CLDN11: variants seen among roughly 807,000 people sequenced by gnomAD.
CLDN11 encodes claudin-11.
Under a neutral mutation model 18.0 loss-of-function variants are expected in CLDN11, and 1 was observed. The observed-to-expected ratio is 0.06, with a 90% confidence interval of 0.02 to 0.26. The LOEUF (loss-of-function observed/expected upper bound fraction) is 0.26, where lower values mean the gene tolerates loss of function less well. Ranked by LOEUF, CLDN11 falls within the 10% of genes least tolerant of loss-of-function variation. CLDN11 has a pLI of 1.00. For missense variants in CLDN11, 172 were observed against 276.6 expected (o/e 0.62, Z 2.68); for synonymous variants, 116 against 121.5 (o/e 0.96, Z 0.30).
At chr3:170,432,316 T>A (rs1333474630) in intron 2 of CLDN11, among the ~76,000 whole-genome samples, 1 of 152,222 alleles carries the variant, frequency 6.6e-6, no homozygotes, top group African/African-American at 2.4e-5. Flanking sequence ...TGTTACCTGC[T>A]GAAAAAAATA....
Position 170,433,130 on chromosome 3 carries a change from C to CTTTTTTTTTT in CLDN11, c.*395_*404dup, listed in dbSNP as rs11322219. 1 of 64,058 alleles carries CTTTTTTTTTT rather than the reference C, an allele frequency of 1.6e-5. No homozygotes were observed. Among genetic ancestry groups the CTTTTTTTTTT allele is most frequent in the Non-Finnish European group, 2.8e-5 (1 of 35,608 alleles). 4.0% of individuals were successfully genotyped at this position (64,058 alleles called of 1,614,324 possible). A position where few individuals can be genotyped will look rare whatever the true frequency, so the allele number is the denominator to read the frequency against. On this transcript the variant is annotated 3_prime_UTR_variant, in exon 3 of 3. Coordinates refer to ENST00000064724, the MANE Select transcript of CLDN11 (RefSeq NM_005602.6). ...GGGTGGGGAAGAGAAATACAAGATA[C>CTTTTTTTTTT]TTTTTTTTTTTTTTTTTTTTTTTTT... is the stretch of plus-strand genomic sequence containing the variant.
chr3:170,429,813 A>G (rs1488928172), intron 2 of CLDN11, among the ~76,000 whole-genome samples: 1 of 152,216 alleles, frequency 6.6e-6, no homozygotes, highest in Non-Finnish European at 1.5e-5. Context: ...TTAGGTTAAC[A>G]ATAGATGTGG....
intron 2 of CLDN11, among the ~76,000 whole-genome samples, chr3:170,428,901 G>C (rs1476439642): frequency 6.6e-6 from 1 of 152,092 alleles, no homozygotes; most frequent in Non-Finnish European, 1.5e-5. Context: ...TGACTTTCTA[G>C]AAAAACACTT....
rs1385878046 is a variant in CLDN11, at chr3:170,432,825, A to C, written c.*69A>C. The C allele has an allele frequency of 1.9e-5, 28 of 1,448,588 alleles. No homozygotes were observed. The highest frequency in any genetic ancestry group is 8.7e-6 in the Non-Finnish European group (9 of 1,032,734). The allele number at this position is 1,448,588 out of a possible 1,614,324, so 89.7% of individuals were successfully genotyped here. A position where few individuals can be genotyped will look rare whatever the true frequency, so the allele number is the denominator to read the frequency against. ...CCAGGGCCCTAGGTTTGCTCGTCAC[A>C]GTGTGGGGAAGCCCATTCCTCTGCC... is the stretch of plus-strand genomic sequence containing the variant. On this transcript the variant is annotated 3_prime_UTR_variant, in exon 3 of 3. Transcript: ENST00000064724.
intron 2 of CLDN11, among the ~76,000 whole-genome samples, chr3:170,424,479 A>G (rs1007931933): frequency 1.1e-4 from 17 of 152,226 alleles, no homozygotes; most frequent in Non-Finnish European, 2.2e-4. Context: ...AAAGGGCTTC[A>G]TTTAACAACC....
intron 2 of CLDN11, among the ~76,000 whole-genome samples, chr3:170,430,022 C>G (rs1297937466): frequency 6.6e-6 from 1 of 152,202 alleles, no homozygotes; most frequent in Non-Finnish European, 1.5e-5. Flanking sequence ...TTTTCACTCC[C>G]CTTCTTTTTC....
At chr3:170,428,188 G>A (rs1479579200) in intron 2 of CLDN11, among the ~76,000 whole-genome samples, 4 of 151,194 alleles carry the variant, frequency 2.6e-5, no homozygotes, top group African/African-American at 9.7e-5. Context: ...AAATGTCAGT[G>A]TCTACTGATC....
In CLDN11 at chr3:170,434,321, G is replaced by A. The variant is rs1263816396; in HGVS notation, c.*1565G>A. ...CAGTGCTCTCTAGGTTTCTTAAGTG[G>A]GGTGACTTTATGGCATCTTTAATCA... On this transcript the variant is annotated 3_prime_UTR_variant, in exon 3 of 3. Coordinates refer to ENST00000064724, the MANE Select transcript of CLDN11 (RefSeq NM_005602.6). Among the ~76,000 whole-genome samples, 1 of 152,120 alleles carries A rather than the reference G, an allele frequency of 6.6e-6. No homozygotes were observed. The highest frequency in any genetic ancestry group is 6.5e-5 in the Admixed American group (1 of 15,274).
intron 2 of CLDN11, among the ~76,000 whole-genome samples, chr3:170,431,353 T>G (rs1016165345): frequency 1.3e-5 from 2 of 152,132 alleles, no homozygotes; most frequent in African/African-American, 4.8e-5. Context: ...TCATTGTTAT[T>G]ATTATTGTTA....
Position 170,419,084 on chromosome 3 carries a change from G to T in CLDN11, c.18G>T (p.Leu6=). 1 of 1,550,728 alleles carries T rather than the reference G, an allele frequency of 6.4e-7. No homozygotes were observed. Among genetic ancestry groups the T allele is most frequent in the Non-Finnish European group, 8.7e-7 (1 of 1,146,930 alleles). Reference sequence around the variant, plus strand: ...CGGCCACCATGGTGGCCACGTGCCTGCAGGTGGTGGGCTTCGTCACGAGCT... The same window carrying T: ...CGGCCACCATGGTGGCCACGTGCCTTCAGGTGGTGGGCTTCGTCACGAGCT... The part of the protein sequence containing the change: MVATC[L]QVVGFVTSFV... Residue 6 remains leucine (L), a synonymous_variant, in exon 1 of 3, where the codon CTG becomes CTT. Transcript: ENST00000064724. This position sits in a 1 kb window ranked among gnomAD's most constrained non-coding sequence, Gnocchi z 8.6.
Position 170,424,328 on chromosome 3 carries a change from TGAGTTTCCAGAGTGGAA to T in CLDN11, c.391+1004_391+1020del, listed in dbSNP as rs1446005599. Among the ~76,000 whole-genome samples the T allele has an allele frequency of 2.0e-5, 3 of 152,186 alleles. No homozygotes were observed. The East Asian group carries it at 5.8e-4, about 29-fold the overall frequency. ...AGGAAGGCACCTAACCCAGACTGGA[TGAGTTTCCAGAGTGGAA>T]GAACCCAGCAGTAAGCTCTGAGACT... On this transcript the variant is annotated intron_variant, in intron 2 of 2. Coordinates refer to ENST00000064724, the MANE Select transcript of CLDN11 (RefSeq NM_005602.6).
In CLDN11 at chr3:170,423,203, G is replaced by A; in HGVS notation, c.267G>A (p.Ser89=). ...QACRALMIAA[S]VLGLPAILLL... Reference sequence around the variant, plus strand: ...GCCGCGCCCTGATGATTGCTGCCTCGGTCCTGGGTCTGCCGGCCATTTTAC... The same window carrying A: ...GCCGCGCCCTGATGATTGCTGCCTCAGTCCTGGGTCTGCCGGCCATTTTAC... The change falls in exon 2 of 3, where the codon TCG becomes TCA. Residue 89 remains serine (S), a synonymous_variant. Transcript: ENST00000064724. 1.4e-5 allele frequency: 23 copies of A among 1,614,148 alleles called. No homozygotes were observed. The highest frequency in any genetic ancestry group is 1.9e-5 in the Non-Finnish European group (23 of 1,180,034).
chr3:170,421,345 C>T (rs1043531821), intron 1 of CLDN11: 128 of 977,380 alleles, frequency 1.3e-4, no homozygotes, highest in Non-Finnish European at 9.7e-6. Flanking sequence ...TGTGTGAGTA[C>T]TGGCTCTCTA....
intron 2 of CLDN11, among the ~76,000 whole-genome samples, chr3:170,424,352 A>C (rs1351065184): frequency 1.3e-5 from 2 of 152,228 alleles, no homozygotes; most frequent in East Asian, 3.8e-4. Flanking sequence ...GGAAGAACCC[A>C]GCAGTAAGCT....
intron 2 of CLDN11, among the ~76,000 whole-genome samples, chr3:170,425,794 C>T (rs919204466): frequency 1.3e-5 from 2 of 152,168 alleles, no homozygotes; most frequent in Non-Finnish European, 2.9e-5. Flanking sequence ...TGCTCCTATC[C>T]GGATTTGTTT....
chr3:170,427,922 A>G (rs187604368), intron 2 of CLDN11, among the ~76,000 whole-genome samples: 164 of 152,086 alleles, frequency 1.1e-3, no homozygotes, highest in African/African-American at 3.7e-3. Flanking sequence ...TTTGGAAGGC[A>G]GACGCGGGCA....
chr3:170,427,025 G>T (rs868643641), intron 2 of CLDN11, among the ~76,000 whole-genome samples: 1 of 151,976 alleles, frequency 6.6e-6, no homozygotes, highest in Non-Finnish European at 1.5e-5. Flanking sequence ...GTGAGCCACC[G>T]TGCCTGGCCA....
Position 170,434,561 on chromosome 3 carries a change from T to A in CLDN11, c.*1805T>A, listed in dbSNP as rs567668216. Among the ~76,000 whole-genome samples, 5 of 152,374 alleles carry A rather than the reference T, an allele frequency of 3.3e-5. No homozygotes were observed. The South Asian group carries it at 1.0e-3, about 32-fold the overall frequency. ...TTGGACATTTTGGACAAAGACACAT[T>A]GAGTTGATTTTTATTTGTTTTTCTG... is the stretch of plus-strand genomic sequence containing the variant. On this transcript the variant is annotated 3_prime_UTR_variant, in exon 3 of 3. Transcript: ENST00000064724.
intron 1 of CLDN11, among the ~76,000 whole-genome samples, chr3:170,420,666 G>C (rs1738702680): frequency 6.6e-6 from 1 of 152,166 alleles, no homozygotes; most frequent in African/African-American, 2.4e-5. Context: ...GCACACAATA[G>C]CTGCGGGCAG....
Sources: gnomAD v4.1 joint callset for allele counts (sites outside exome capture counted in the v4.1 genomes callset) on GRCh38, gnomAD v4.1.1 for gene constraint, Gnocchi (gnomAD v3.1) non-coding constraint, MANE v1.5 for transcripts, NCBI Gene and HGNC (gene_info 2026-07-23, HGNC 2026-07-21) for gene names.